Variants in GSPT1 observed in about 807,000 individuals in gnomAD.
GSPT1 encodes the protein eukaryotic peptide chain release factor GTP-binding subunit ERF3A.
In GSPT1, 20 loss-of-function variants were observed where a neutral mutation model predicts 72.5. That is an observed-to-expected ratio of 0.28 (90% CI 0.19 to 0.40). The LOEUF (loss-of-function observed/expected upper bound fraction) is 0.40. Among genes scored for constraint, GSPT1 ranks in the 10% least tolerant of loss-of-function variants. The pLI is 1.00. For synonymous variants in GSPT1, 334 were observed against 293.5 expected, an observed-to-expected ratio of 1.14 and a Z score of -1.41; for missense variants, 580 against 811.9, an observed-to-expected ratio of 0.71 and a Z score of 3.47.
At chr16:11,905,894 T>G (rs1046102832) in intron 1 of GSPT1, among the ~76,000 whole-genome samples, 2 of 152,164 alleles carry the variant, frequency 1.3e-5, no homozygotes, top group African/African-American at 4.8e-5. Context: ...ATCTTAGTTC[T>G]TGTTCCCTAG....
At position 11,872,551 on chromosome 16, in the gene GSPT1, GGAAA is replaced by G. The variant is rs1399447946; in HGVS notation, c.*564_*567del. 3 of 152,120 alleles carry G rather than the reference GGAAA, an allele frequency of 2.0e-5. No individual in the cohort carries two copies. Among genetic ancestry groups the G allele is most frequent in the African/African-American group, 7.2e-5 (3 of 41,404 alleles). The allele number at this position is 152,120 out of a possible 1,614,324, so 9.4% of individuals were successfully genotyped here. A position where few individuals can be genotyped will look rare whatever the true frequency, so the allele number is the denominator to read the frequency against. The stretch of plus-strand genomic sequence containing the variant: ...TGAATGTCTCATTTATAGTGGGTAG[GGAAA>G]GAGTTTATAAAAGTCCAAGTAATAA... On this transcript the variant is annotated 3_prime_UTR_variant, in exon 15 of 15. Transcript: ENST00000434724.
At chr16:11,899,334 T>TC (rs977777487) in intron 1 of GSPT1, among the ~76,000 whole-genome samples, 1 of 152,112 alleles carries the variant, frequency 6.6e-6, no homozygotes, top group South Asian at 2.1e-4. Flanking sequence ...TGTTTTCTTT[T>TC]TTTTTTTAAG....
chr16:11,872,948 G>A lies in GSPT1; in HGVS notation c.*171C>T. On this transcript the variant is annotated 3_prime_UTR_variant, in exon 15 of 15. Transcript: ENST00000434724. ...GGAAAAATTCAACAGTGGCATAGCA[G>A]AGCTCTCAATATGAGAAAGCTGACA... 1.8e-6 allele frequency: 1 copy of A among 543,392 alleles called. No individual in the cohort carries two copies. Among genetic ancestry groups the A allele is most frequent in the Non-Finnish European group, 3.4e-6 (1 of 295,334 alleles). 33.7% of individuals were successfully genotyped at this position (543,392 alleles called of 1,614,324 possible).
At chr16:11,876,757 G>C (rs1431574651) in intron 12 of GSPT1, among the ~76,000 whole-genome samples, 1 of 152,020 alleles carries the variant, frequency 6.6e-6, no homozygotes, top group Non-Finnish European at 1.5e-5. Context: ...CAAAACAAAA[G>C]ACAGCAGGCC....
intron 1 of GSPT1, among the ~76,000 whole-genome samples, chr16:11,907,760 A>G (rs1323577458): frequency 6.6e-6 from 1 of 152,206 alleles, no homozygotes; most frequent in Non-Finnish European, 1.5e-5. Flanking sequence ...CTTTATCTGA[A>G]AATGAAGAGG....
rs781511722 is a variant in GSPT1, at chr16:11,886,801, G to A, written c.1088C>T (p.Pro363Leu). 1.2e-6 allele frequency: 2 copies of A among 1,613,260 alleles called. No homozygotes were observed. Among genetic ancestry groups the A allele is most frequent in the Admixed American group, 1.7e-5 (1 of 59,962 alleles). Residue 363 changes from proline (P) to leucine (L), a missense_variant, in exon 8 of 15, where the codon CCA (proline) becomes CTA (leucine). By Grantham distance (98) the Pro-to-Leu change is moderately conservative. This residue lies in a region of GSPT1 where 34 missense variants were observed against 62.0 expected (regional missense o/e 0.55). Coordinates refer to ENST00000434724, the MANE Select transcript of GSPT1 (RefSeq NM_002094.4). ...LIVLINKMDDPTVNWSNERYE... is the reference protein window; with the variant it reads ...LIVLINKMDDLTVNWSNERYE... ...CCTCTCATTGCTCCAATTTACTGTT[G>A]GATCATCCATCTTATTAATTAGCAC...
rs776571849 is a variant in GSPT1, at chr16:11,915,946, T to C, written c.-226A>G. 8 of 741,258 alleles carry C rather than the reference T, an allele frequency of 1.1e-5. No homozygotes were observed. Among genetic ancestry groups the C allele is most frequent in the Admixed American group, 6.9e-5 (4 of 57,604 alleles). 45.9% of individuals were successfully genotyped at this position (741,258 alleles called of 1,614,324 possible). On this transcript the variant is annotated 5_prime_UTR_variant, in exon 1 of 15. Transcript: ENST00000434724. The stretch of plus-strand genomic sequence containing the variant: ...GGCGGCAGCTCAACCCTCCTCCTCG[T>C]GTGTGTGAGCGGATCTCCTCCCACC...
At chr16:11,882,984 A>G in intron 11 of GSPT1, 31 bp downstream of exon 11, 1 of 1,404,690 alleles carries the variant, frequency 7.1e-7, no homozygotes, top group Non-Finnish European at 1.0e-6. Context: ...AAATCAATAA[A>G]TAGATAGGAA....
chr16:11,902,052 G>A (rs1289766905), intron 1 of GSPT1, among the ~76,000 whole-genome samples: 11 of 147,552 alleles, frequency 7.5e-5, no homozygotes, highest in African/African-American at 2.3e-4. Context: ...TTGCACCATC[G>A]CACTCCAGCC....
rs377596394 is a variant in GSPT1, at chr16:11,877,575, G to A, written c.1434C>T (p.Asn478=). Reference sequence around the variant, plus strand: ...CGGAAAGTATTCCAAGAACTTCCACGTTGTGCTTTAAAAGAAAACAAGACT... The same window carrying A: ...CGGAAAGTATTCCAAGAACTTCCACATTGTGCTTTAAAAGAAAACAAGACT... ...QQLVMMPNKH[N]VEVLGILSDD... The change falls in exon 12 of 15, where the codon AAC becomes AAT. Residue 478 remains asparagine (N), a synonymous_variant. Coordinates refer to ENST00000434724, the MANE Select transcript of GSPT1 (RefSeq NM_002094.4). This position sits in a 1 kb window ranked among gnomAD's most constrained non-coding sequence, Gnocchi z 4.0. 5.7e-5 allele frequency: 90 copies of A among 1,583,968 alleles called. No homozygotes were observed. In the African/African-American group the frequency reaches 6.5e-4, roughly 12 times the overall value.
chr16:11,901,605 A>T (rs796168643), intron 1 of GSPT1, among the ~76,000 whole-genome samples: 13 of 140,830 alleles, frequency 9.2e-5, no homozygotes, highest in African/African-American at 3.7e-4. Context: ...GTGAAACCCC[A>T]TCTCCACACA....
intron 1 of GSPT1, among the ~76,000 whole-genome samples, chr16:11,902,072 A>G (rs535758623): frequency 7.4e-6 from 1 of 135,120 alleles, no homozygotes; most frequent in South Asian, 2.4e-4. Flanking sequence ...CTGGGCAACA[A>G]GAGCGAAACT....
At chr16:11,902,307 G>A (rs1386072478) in intron 1 of GSPT1, among the ~76,000 whole-genome samples, 19 of 150,086 alleles carry the variant, frequency 1.3e-4, no homozygotes, top group South Asian at 2.1e-4. Flanking sequence ...GCATGAACCC[G>A]GGAGGTGGAG....
intron 10 of GSPT1, among the ~76,000 whole-genome samples, chr16:11,884,432 C>A (rs2054161449): frequency 6.6e-6 from 1 of 152,130 alleles, no homozygotes; most frequent in South Asian, 2.1e-4. Context: ...TAATATAAAG[C>A]CATTAAGAAA....
chr16:11,896,418 G>C (rs2054339606), intron 4 of GSPT1, 140 bp downstream of exon 4: 1 of 636,034 alleles, frequency 1.6e-6, no homozygotes, highest in Non-Finnish European at 2.7e-6. Context: ...TTTTTTGCCA[G>C]CTAAAAAAAA....
At position 11,877,509 on chromosome 16, in the gene GSPT1, G is replaced by C. The variant is rs1374110517; in HGVS notation, c.1500C>G (p.Leu500=). The change falls in exon 12 of 15, where the codon CTC becomes CTG. Residue 500 remains leucine (L), a synonymous_variant. Transcript: ENST00000434724. This position sits in a 1 kb window ranked among gnomAD's most constrained non-coding sequence, Gnocchi z 4.0. ...CTTCAATTCCTTTCAGTCTGATTTT[G>C]AGGTTTTCACCTGGGGCTACGGTAT... ...ETDTVAPGEN[L]KIRLKGIEEE... 9.3e-6 allele frequency: 15 copies of C among 1,610,468 alleles called. No individual in the cohort carries two copies. Among genetic ancestry groups the C allele is most frequent in the African/African-American group, 1.3e-5 (1 of 74,852 alleles).
chr16:11,883,241 A>T, intron 10 of GSPT1, 146 bp from the exon 11 acceptor site: 2 of 604,780 alleles, frequency 3.3e-6, no homozygotes, highest in South Asian at 4.1e-5. Flanking sequence ...TAAACTCAGT[A>T]ACAAATACTC....
intron 1 of GSPT1, among the ~76,000 whole-genome samples, chr16:11,911,503 A>G (rs1463364582): frequency 6.6e-6 from 1 of 150,442 alleles, no homozygotes; most frequent in South Asian, 2.1e-4. Context: ...CTCCCACCTC[A>G]ACCTCCCAAG....
At chr16:11,916,004 A>AC (rs776125181), upstream of GSPT1, 2 of 663,196 alleles carry the variant, frequency 3.0e-6, no homozygotes, top group African/African-American at 1.8e-5. Flanking sequence ...AGCCAACCCC[A>AC]CCCCCGGCGC....
Sources: allele counts gnomAD v4.1 joint callset (sites outside exome capture counted in the v4.1 genomes callset), GRCh38; gene constraint gnomAD v4.1.1; regional missense constraint gnomAD v4.1.1; non-coding constraint Gnocchi (gnomAD v3.1); transcripts MANE v1.5; gene names NCBI Gene and HGNC (gene_info 2026-07-23, HGNC 2026-07-21).